The following B3GALNT2 variants were observed in gnomAD, a reference collection of about 807,000 sequenced individuals.
B3GALNT2 encodes beta-1,3-N-acetylgalactosaminyltransferase 2.
A neutral mutation model predicts 61.1 loss-of-function variants in B3GALNT2; 53 were observed. That is an observed-to-expected ratio of 0.87 (90% CI 0.70 to 1.09). B3GALNT2 has a LOEUF of 1.09. Ranked by LOEUF, B3GALNT2 falls within the 50% of genes least tolerant of loss-of-function variation. The probability of loss-of-function intolerance (pLI) is 0.00; values close to 1 mark genes in which losing one functional copy is unlikely to be tolerated. For missense variants in B3GALNT2, 544 were observed against 623.0 expected (o/e 0.87, Z 1.35); for synonymous variants, 223 against 237.4 (o/e 0.94, Z 0.56).
At chr1:235,495,820 T>C (rs1685293330) in intron 1 of B3GALNT2, among the ~76,000 whole-genome samples, 1 of 152,196 alleles carries the variant, frequency 6.6e-6, no homozygotes, top group South Asian at 2.1e-4. Context: ...GACTCTTTAC[T>C]ATATTAAATG....
Position 235,465,563 on chromosome 1 carries a change from CCT to C in B3GALNT2, c.841+71_841+72del. 4 of 1,549,574 alleles carry C rather than the reference CCT, an allele frequency of 2.6e-6. No homozygotes were observed. The South Asian group carries it at 3.7e-5, about 14-fold the overall frequency. ...TTTTAAAAGACAAAAAAGAAAAAAT[CCT>C]TTTCTCTCAAGTATAAAGATTAAGT... On this transcript the variant is annotated intron_variant, in intron 7 of 11. Coordinates refer to ENST00000366600, the MANE Select transcript of B3GALNT2 (RefSeq NM_152490.5).
chr1:235,455,976 T>C (rs953797129), intron 8 of B3GALNT2, among the ~76,000 whole-genome samples: 2 of 152,184 alleles, frequency 1.3e-5, no homozygotes, highest in Admixed American at 1.3e-4. Context: ...TTCAAACAAA[T>C]GCTTCTTAGG....
At chr1:235,486,502 T>G (rs1341816075) in intron 3 of B3GALNT2, among the ~76,000 whole-genome samples, 5 of 152,194 alleles carry the variant, frequency 3.3e-5, no homozygotes, top group Non-Finnish European at 7.3e-5. Flanking sequence ...TGCATTACAG[T>G]GCTATTAAAC....
At chr1:235,472,319 T>C (rs1267972863) in intron 5 of B3GALNT2, among the ~76,000 whole-genome samples, 6 of 152,290 alleles carry the variant, frequency 3.9e-5, no homozygotes, top group East Asian at 1.9e-4. Flanking sequence ...CTGATATATA[T>C]TGAAATCTTA....
In B3GALNT2 at chr1:235,458,561, C is replaced by T. The variant is rs78346820; in HGVS notation, c.1025+42G>A. The T allele has an allele frequency of 9.3e-6, 14 of 1,506,864 alleles. No homozygotes were observed. The South Asian group carries it at 2.0e-4, about 21-fold the overall frequency. The allele number at this position is 1,506,864 out of a possible 1,614,324, so 93.3% of individuals were successfully genotyped here. A position where few individuals can be genotyped will look rare whatever the true frequency, so the allele number is the denominator to read the frequency against. ...CCCATCTCAAAAAAAAAAAAACTAA[C>T]AATAAAACAAGTTCTAGCTACCCAA... On this transcript the variant is annotated intron_variant, in intron 8 of 11. Coordinates refer to ENST00000366600, the MANE Select transcript of B3GALNT2 (RefSeq NM_152490.5).
At chr1:235,452,584 T>TGTTGCCCA (rs1682975973) in intron 11 of B3GALNT2, 1 of 151,976 alleles carries the variant, frequency 6.6e-6, no homozygotes, top group South Asian at 2.1e-4. Context: ...TCTCTCACTC[T>TGTTGCCCA]GTTGCCCAGG....
chr1:235,473,290 C>T (rs1426028555), intron 5 of B3GALNT2, among the ~76,000 whole-genome samples: 1 of 152,156 alleles, frequency 6.6e-6, no homozygotes, highest in Non-Finnish European at 1.5e-5. Flanking sequence ...TTCCAAGAGT[C>T]CGGATTCCTC....
intron 1 of B3GALNT2, among the ~76,000 whole-genome samples, chr1:235,502,175 G>C (rs1427762574): frequency 6.6e-6 from 1 of 152,142 alleles, no homozygotes; most frequent in Non-Finnish European, 1.5e-5. Context: ...ACTATGCCCG[G>C]CTAATTTTTG....
Position 235,454,155 on chromosome 1 carries a change from C to G in B3GALNT2, c.1311+1G>C, listed in dbSNP as rs1379052702. 2.5e-6 allele frequency: 4 copies of G among 1,599,114 alleles called. No individual in the cohort carries two copies. Among genetic ancestry groups the G allele is most frequent in the Non-Finnish European group, 3.4e-6 (4 of 1,173,342 alleles). ...CGCCAAGCTAAGAAATTCTTAATTA[C>G]CTGATAGGTCTTTAACCTCCCCGAG... On this transcript the variant is annotated splice_donor_variant, in intron 10 of 11. Transcript: ENST00000366600. LOFTEE classifies it high-confidence loss of function.
At chr1:235,493,928 C>T (rs1488553107) in intron 2 of B3GALNT2, among the ~76,000 whole-genome samples, 1 of 152,182 alleles carries the variant, frequency 6.6e-6, no homozygotes, top group Non-Finnish European at 1.5e-5. Context: ...TTCCCCTAGT[C>T]CCTCACTACA....
At position 235,474,987 on chromosome 1, in the gene B3GALNT2, A is replaced by G. The variant is rs1364262419; in HGVS notation, c.652-4027T>C. ...TATATATATATATATATATATATAT[A>G]TTTTTTTTTTTTTTTTTTTTTTTGA... On this transcript the variant is annotated intron_variant, in intron 5 of 11. Transcript: ENST00000366600. Among the ~76,000 whole-genome samples, 14 of 35,578 alleles carry G rather than the reference A, an allele frequency of 3.9e-4. 1 individual carries two copies. Among genetic ancestry groups the G allele is most frequent in the African/African-American group, 1.6e-3 (14 of 8,978 alleles). The allele number at this position is 35,578 out of a possible 152,430, so 23.3% of individuals were successfully genotyped here. A position where few individuals can be genotyped will look rare whatever the true frequency, so the allele number is the denominator to read the frequency against.
intron 1 of B3GALNT2, among the ~76,000 whole-genome samples, chr1:235,503,606 T>A (rs1685683939): frequency 6.6e-6 from 1 of 152,200 alleles, no homozygotes; most frequent in African/African-American, 2.4e-5. Flanking sequence ...TACATCATAA[T>A]CCAAGAATAC....
chr1:235,457,116 AAAT>A (rs67122790), intron 8 of B3GALNT2, among the ~76,000 whole-genome samples: 11 of 25,760 alleles, frequency 4.3e-4, no homozygotes, highest in East Asian at 1.4e-3. Flanking sequence ...ATTAAAAAAT[AAAT>A]AAATAAATAA....
Position 235,484,361 on chromosome 1 carries a change from C to G in B3GALNT2, c.516G>C (p.Gln172His). ...GATAAAGTTTGACAGTGATGTTCCT[C>G]TGGAAACCCACATCATTGGCATCGT... ...VFYDANDVGF[Q>H]RNITVKLYQA... Residue 172 changes from glutamine to histidine, a missense_variant, in exon 4 of 12, where the codon CAG becomes CAC. Transcript: ENST00000366600. The G allele has an allele frequency of 1.2e-6, 2 of 1,614,198 alleles. No individual in the cohort carries two copies. Among genetic ancestry groups the G allele is most frequent in the Non-Finnish European group, 1.7e-6 (2 of 1,180,016 alleles).
At position 235,449,011 on chromosome 1, in the gene B3GALNT2, A is replaced by T; in HGVS notation, c.*1195T>A. On this transcript the variant is annotated 3_prime_UTR_variant, in exon 12 of 12. Transcript: ENST00000366600. ...TTCATATTTATTTTTACAGCTCATCACTGCATTTCATGATAAGATTTAAAT... is the reference window on the plus strand; with the variant it reads ...TTCATATTTATTTTTACAGCTCATCTCTGCATTTCATGATAAGATTTAAAT... 2.5e-6 allele frequency: 1 copy of T among 400,226 alleles called. No individual in the cohort carries two copies. The highest frequency in any genetic ancestry group is 4.7e-6 in the Non-Finnish European group (1 of 213,918). The allele number at this position is 400,226 out of a possible 1,614,324, so 24.8% of individuals were successfully genotyped here.
chr1:235,465,656 C>A lies in B3GALNT2; in HGVS notation c.821G>T (p.Gly274Val). The change falls in exon 7 of 12, where the codon GGT becomes GTT. Residue 274 changes from glycine (G) to valine (V), a missense_variant. Coordinates refer to ENST00000366600, the MANE Select transcript of B3GALNT2 (RefSeq NM_152490.5). The stretch of plus-strand genomic sequence containing the variant: ...CTTACCCTGAATAGTATATATAAAA[C>A]CACCTGCAACTCCCTCCACACCTTC... ...FLEGVEGVAG[G>V]FIYTIQEGDA... The A allele has an allele frequency of 6.2e-7, 1 of 1,614,000 alleles. No homozygotes were observed. Among genetic ancestry groups the A allele is most frequent in the Non-Finnish European group, 8.5e-7 (1 of 1,179,964 alleles).
rs930205794 is a variant in B3GALNT2, at chr1:235,447,708, A to ATGAC, written c.*2494_*2497dup. Among the ~76,000 whole-genome samples, 4 of 152,232 alleles carry ATGAC rather than the reference A, an allele frequency of 2.6e-5. No homozygotes were observed. The highest frequency in any genetic ancestry group is 7.2e-5 in the African/African-American group (3 of 41,468). ...ATAAAGGTTTAAAAAGAAAACGTTA[A>ATGAC]TGACTCGCTCCCTTTATTCTTCTGT... On this transcript the variant is annotated 3_prime_UTR_variant, in exon 12 of 12. Transcript: ENST00000366600.
Position 235,448,588 on chromosome 1 carries a change from C to A in B3GALNT2, c.*1618G>T, listed in dbSNP as rs142933516. The stretch of plus-strand genomic sequence containing the variant: ...TTAAGGGTAAGCTACTGCCTGGGGA[C>A]GGGGTGGGGGAAGAGTATGTGTAGC... On this transcript the variant is annotated 3_prime_UTR_variant, in exon 12 of 12. Transcript: ENST00000366600. 6 of 1,378,468 alleles carry A rather than the reference C, an allele frequency of 4.4e-6. No individual in the cohort carries two copies. The East Asian group carries it at 6.9e-5, about 16-fold the overall frequency. 85.4% of individuals were successfully genotyped at this position (1,378,468 alleles called of 1,614,324 possible).
the B3GALNT2 span, among the ~76,000 whole-genome samples, chr1:235,440,265 C>T: frequency 1.1e-3 from 164 of 152,216 alleles, 2 homozygotes; most frequent in African/African-American, 3.6e-3. Context: ...CCACCGCGCC[C>T]AGCCAGGGAA....
Sources: gnomAD v4.1 joint callset for allele counts (sites outside exome capture counted in the v4.1 genomes callset) on GRCh38, gnomAD v4.1.1 for gene constraint, MANE v1.5 for transcripts, NCBI Gene and HGNC (gene_info 2026-07-23, HGNC 2026-07-21) for gene names.